The following SGO2 variants were observed in gnomAD, a reference collection of about 807,000 sequenced individuals.
SGO2 encodes shugoshin 2.
In SGO2, 68 loss-of-function variants were observed where a neutral mutation model predicts 99.5. That is an observed-to-expected ratio of 0.68 (90% CI 0.56 to 0.84). The LOEUF is 0.84. Ranked by LOEUF, SGO2 falls within the 40% of genes least tolerant of loss-of-function variation. The pLI, the probability that SGO2 is intolerant of heterozygous loss-of-function variation, is 0.00. For synonymous variants in SGO2, 457 were observed against 487.1 expected, an observed-to-expected ratio of 0.94 and a Z score of 0.81; for missense variants, 1,350 against 1,436.7, an observed-to-expected ratio of 0.94 and a Z score of 0.97.
Position 200,540,994 on chromosome 2 carries a change from G to T in SGO2, c.388-1585G>T, listed in dbSNP as rs185866435. On this transcript the variant is annotated intron_variant, in intron 4 of 8. Coordinates refer to ENST00000357799, the MANE Select transcript of SGO2 (RefSeq NM_152524.6). ...AGGCTGGGAAGTCCAAGAGCATGATGCTGACATCTGGCATGTGTCATCCCA... is the reference window on the plus strand; with the variant it reads ...AGGCTGGGAAGTCCAAGAGCATGATTCTGACATCTGGCATGTGTCATCCCA... Among the ~76,000 whole-genome samples the T allele has an allele frequency of 2.8e-3, 419 of 152,024 alleles. 2 individuals carry two copies. Among genetic ancestry groups the T allele is most frequent in the African/African-American group, 9.5e-3 (395 of 41,440 alleles).
intron 5 of SGO2, among the ~76,000 whole-genome samples, chr2:200,559,294 C>G (rs2032847251): frequency 6.6e-6 from 1 of 152,066 alleles, no homozygotes; most frequent in South Asian, 2.1e-4. Context: ...TCTTCTTTCT[C>G]AGTATTGTTA....
intron 5 of SGO2, among the ~76,000 whole-genome samples, chr2:200,561,099 G>T (rs965076173): frequency 2.0e-5 from 3 of 152,006 alleles, no homozygotes; most frequent in African/African-American, 7.2e-5. Context: ...CAACGTGCAG[G>T]TTTGTTACAT....
chr2:200,546,120 G>A (rs1312340311), intron 5 of SGO2, among the ~76,000 whole-genome samples: 1 of 151,928 alleles, frequency 6.6e-6, no homozygotes, highest in Non-Finnish European at 1.5e-5. Flanking sequence ...GGTGAACCTG[G>A]GTTGAAGGCA....
At chr2:200,539,970 C>CT (rs2031881488) in intron 4 of SGO2, among the ~76,000 whole-genome samples, 1 of 150,888 alleles carries the variant, frequency 6.6e-6, no homozygotes, top group African/African-American at 2.4e-5. Context: ...GGATTTCTTT[C>CT]CCCCCTTTTT....
chr2:200,563,577 T>G (rs1224437200), intron 5 of SGO2, among the ~76,000 whole-genome samples: 1 of 152,220 alleles, frequency 6.6e-6, no homozygotes, highest in African/African-American at 2.4e-5. Flanking sequence ...CCTCATAAAA[T>G]GAGTTAGGGA....
intron 3 of SGO2, 135 bp downstream of exon 3, chr2:200,535,306 T>C: frequency 1.4e-6 from 1 of 703,756 alleles, no homozygotes; most frequent in Non-Finnish European, 2.2e-6. Context: ...CATGTAAGTC[T>C]ATGTCAAAGT....
Position 200,573,556 on chromosome 2 carries a change from A to G in SGO2, c.3210A>G (p.Lys1070=). ...TAAAAGAAGGAGAGTGTCAGGTTAAAAAGGTAAATAAAATGACATCTAAGT... is the reference window on the plus strand; with the variant it reads ...TAAAAGAAGGAGAGTGTCAGGTTAAGAAGGTAAATAAAATGACATCTAAGT... ...EEIKEGECQV[K]KVNKMTSKSK... Residue 1070 remains lysine (K), a synonymous_variant, in exon 7 of 9, where the codon AAA becomes AAG. Coordinates refer to ENST00000357799, the MANE Select transcript of SGO2 (RefSeq NM_152524.6). 6.2e-7 allele frequency: 1 copy of G among 1,606,534 alleles called. No homozygotes were observed. Among genetic ancestry groups the G allele is most frequent in the East Asian group, 2.2e-5 (1 of 44,802 alleles).
chr2:200,554,343 C>A (rs927857001), intron 5 of SGO2, among the ~76,000 whole-genome samples: 4 of 152,148 alleles, frequency 2.6e-5, no homozygotes, highest in Non-Finnish European at 5.9e-5. Context: ...TAAATACTGT[C>A]CTATTTGATA....
rs2032012848 is a variant in SGO2 at position 200,542,576 on chromosome 2, T to C, written c.388-3T>C. 1.2e-6 allele frequency: 2 copies of C among 1,608,646 alleles called. No individual in the cohort carries two copies. The highest frequency in any genetic ancestry group is 2.2e-5 in the East Asian group (1 of 44,678). ...TTGTTTTCTTTATTTTTTTCAAAAA[T>C]AGTTCCATCAGAGTTCCTTTCTACT... is the stretch of plus-strand genomic sequence containing the variant. On this transcript the variant is annotated splice_region_variant and splice_polypyrimidine_tract_variant and intron_variant, in intron 4 of 8. Transcript: ENST00000357799.
intron 4 of SGO2, among the ~76,000 whole-genome samples, chr2:200,538,937 T>G (rs1462903439): frequency 6.6e-6 from 1 of 152,120 alleles, no homozygotes; most frequent in Non-Finnish European, 1.5e-5. Context: ...GTGAGGACTC[T>G]GAGGTTTTTT....
At chr2:200,581,975 C>T (rs1574893489) in intron 8 of SGO2, among the ~76,000 whole-genome samples, 1 of 152,108 alleles carries the variant, frequency 6.6e-6, no homozygotes, top group East Asian at 1.9e-4. Context: ...GACCTTTCCA[C>T]CTAATCTTGT....
At chr2:200,567,288 A>C (rs1347307777) in intron 5 of SGO2, among the ~76,000 whole-genome samples, 2 of 152,166 alleles carry the variant, frequency 1.3e-5, no homozygotes, top group Non-Finnish European at 2.9e-5. Flanking sequence ...TGTATGTTTA[A>C]TCAAACTAGC....
At chr2:200,556,561 C>T (rs2032727587) in intron 5 of SGO2, among the ~76,000 whole-genome samples, 1 of 152,110 alleles carries the variant, frequency 6.6e-6, no homozygotes, top group South Asian at 2.1e-4. Flanking sequence ...AGAAGTCATA[C>T]ATGGAGGGGA....
At chr2:200,535,596 A>G (rs1017097153) in intron 3 of SGO2, among the ~76,000 whole-genome samples, 24 of 152,090 alleles carry the variant, frequency 1.6e-4, no homozygotes, top group Admixed American at 1.2e-3. Flanking sequence ...TTCCTTCCAA[A>G]TTTCAACTCT....
At chr2:200,532,305 C>G (rs1175630153) in intron 1 of SGO2, 1 of 142,912 alleles carries the variant, frequency 7.0e-6, no homozygotes, top group Non-Finnish European at 1.1e-5. Flanking sequence ...TTTTTCAGAT[C>G]TCTTCAGATG....
intron 5 of SGO2, among the ~76,000 whole-genome samples, chr2:200,550,697 A>G (rs1392675004): frequency 2.0e-5 from 3 of 152,168 alleles, no homozygotes; most frequent in Non-Finnish European, 4.4e-5. Context: ...AAAATGGATA[A>G]AAGATTTGAA....
chr2:200,558,326 G>C (rs1467198779), intron 5 of SGO2, among the ~76,000 whole-genome samples: 1 of 152,066 alleles, frequency 6.6e-6, no homozygotes, highest in Non-Finnish European at 1.5e-5. Context: ...TCAGTTTGCT[G>C]AGAGTTTTTC....
chr2:200,562,472 G>T (rs1459682907), intron 5 of SGO2, among the ~76,000 whole-genome samples: 1 of 152,174 alleles, frequency 6.6e-6, no homozygotes, highest in African/African-American at 2.4e-5. Context: ...TTGTAGTATT[G>T]TTTGAAGTCA....
At chr2:200,562,338 G>C (rs1164403277) in intron 5 of SGO2, among the ~76,000 whole-genome samples, 1 of 151,980 alleles carries the variant, frequency 6.6e-6, no homozygotes, top group South Asian at 2.1e-4. Flanking sequence ...TCTTGTTTTT[G>C]TCAGGTTTGT....
Sources: gnomAD v4.1 joint callset for allele counts (sites outside exome capture counted in the v4.1 genomes callset) on GRCh38, gnomAD v4.1.1 for gene constraint, MANE v1.5 for transcripts, NCBI Gene and HGNC (gene_info 2026-07-23, HGNC 2026-07-21) for gene names.